PCDHA3: variants seen among roughly 807,000 people sequenced by gnomAD.
PCDHA3 encodes protocadherin alpha 3.
PCDHA3 carries 41 observed loss-of-function variants against 62.2 expected under a neutral mutation model. That is an observed-to-expected ratio of 0.66 (90% CI 0.51 to 0.86). The LOEUF (loss-of-function observed/expected upper bound fraction) is 0.86, where lower values mean the gene tolerates loss of function less well. Among genes scored for constraint, PCDHA3 ranks in the 40% least tolerant of loss-of-function variants. The pLI is 0.00. For synonymous variants in PCDHA3, 640 were observed against 555.4 expected (o/e 1.15, Z -2.14); for missense variants, 1,304 against 1,241.2 (o/e 1.05, Z -0.76).
Position 140,802,688 on chromosome 5 carries a change from G to T in PCDHA3, c.1491G>T (p.Arg497=). The T allele has an allele frequency of 6.2e-7, 1 of 1,613,020 alleles. No individual in the cohort carries two copies. The highest frequency in any genetic ancestry group is 8.5e-7 in the Non-Finnish European group (1 of 1,179,798). Residue 497 remains arginine (R), a synonymous_variant, in exon 1 of 4, where the codon CGG becomes CGT. Coordinates refer to ENST00000522353, the MANE Select transcript of PCDHA3 (RefSeq NM_018906.3). ...NALVSYSLVE[R]RVGERALSSY... is the part of the protein sequence containing the mutation. ...TGGTGTCCTACTCGCTGGTGGAACGGCGGGTGGGGGAGCGCGCGCTGTCGA... is the reference window on the plus strand; with the variant it reads ...TGGTGTCCTACTCGCTGGTGGAACGTCGGGTGGGGGAGCGCGCGCTGTCGA...
At position 140,857,694 on chromosome 5, in the gene PCDHA3, C is replaced by T. The variant is rs1554150531; in HGVS notation, c.2394+54103C>T. 1 of 1,597,142 alleles carries T rather than the reference C, an allele frequency of 6.3e-7. No individual in the cohort carries two copies. Among genetic ancestry groups the T allele is most frequent in the Non-Finnish European group, 8.6e-7 (1 of 1,167,746 alleles). On this transcript the variant is annotated intron_variant, in intron 1 of 3. Coordinates refer to ENST00000522353, the MANE Select transcript of PCDHA3 (RefSeq NM_018906.3). Reference sequence around the variant, plus strand: ...GTGCCGCCTCTGGGCAGCAACTTGACGCTGCAGGTGTTCGTGCTGGACGAG... The same window carrying T: ...GTGCCGCCTCTGGGCAGCAACTTGATGCTGCAGGTGTTCGTGCTGGACGAG...
intron 1 of PCDHA3, chr5:140,875,848 A>T: frequency 1.2e-6 from 2 of 1,614,188 alleles, no homozygotes; most frequent in East Asian, 2.2e-5. Context: ...GGTGAAGGAC[A>T]TTAACGACAA....
At chr5:140,940,994 G>A (rs1375374431) in intron 1 of PCDHA3, among the ~76,000 whole-genome samples, 1 of 152,094 alleles carries the variant, frequency 6.6e-6, no homozygotes, top group Non-Finnish European at 1.5e-5. Context: ...AAGTTTATAG[G>A]ATTAAATTTT....
chr5:140,961,856 C>T (rs781908407), intron 1 of PCDHA3, among the ~76,000 whole-genome samples: 1 of 151,570 alleles, frequency 6.6e-6, no homozygotes, highest in Non-Finnish European at 1.5e-5. Flanking sequence ...GATCATTTAT[C>T]TGGCCACAGA....
At chr5:140,844,055 G>A (rs1371474280) in intron 1 of PCDHA3, among the ~76,000 whole-genome samples, 1 of 149,532 alleles carries the variant, frequency 6.7e-6, no homozygotes, top group Non-Finnish European at 1.5e-5. Flanking sequence ...TTCCCCCAAA[G>A]CGTTTATTCT....
At chr5:140,888,222 G>T (rs956304839) in intron 1 of PCDHA3, among the ~76,000 whole-genome samples, 1 of 152,168 alleles carries the variant, frequency 6.6e-6, no homozygotes, top group African/African-American at 2.4e-5. Flanking sequence ...GTGTGTGTGT[G>T]CATGTGTGTG....
intron 1 of PCDHA3, among the ~76,000 whole-genome samples, chr5:140,838,045 T>G (rs1554136763): frequency 1.3e-5 from 2 of 150,866 alleles, no homozygotes; most frequent in African/African-American, 2.4e-5. Flanking sequence ...TTTCTGCACT[T>G]TTTGGTTTTC....
intron 1 of PCDHA3, chr5:140,871,125 G>T (rs1387416665): frequency 6.2e-7 from 1 of 1,613,330 alleles, no homozygotes; most frequent in Non-Finnish European, 8.5e-7. Context: ...GCGGACAGGC[G>T]CCAAAGGCCT....
At chr5:140,890,313 G>T (rs1191082730) in intron 1 of PCDHA3, among the ~76,000 whole-genome samples, 2 of 152,112 alleles carry the variant, frequency 1.3e-5, no homozygotes, top group South Asian at 2.1e-4. Context: ...ATATTAAGTT[G>T]TTTTAAGATA....
At chr5:140,862,980 C>T in intron 1 of PCDHA3, 1 of 545,508 alleles carries the variant, frequency 1.8e-6, no homozygotes, top group South Asian at 1.4e-5. Flanking sequence ...CACTTGGTGG[C>T]GAAGGTGCGC....
intron 1 of PCDHA3, among the ~76,000 whole-genome samples, chr5:140,958,215 T>G (rs1554223379): frequency 6.6e-6 from 1 of 152,132 alleles, no homozygotes; most frequent in Non-Finnish European, 1.5e-5. Context: ...GAATTAGATT[T>G]TAAAGGACTT....
chr5:140,838,075 ATAGTGTGTGTGTGTGTGTGTGTGT>A (rs2150283450), intron 1 of PCDHA3, among the ~76,000 whole-genome samples: 41 of 128,134 alleles, frequency 3.2e-4, no homozygotes, highest in South Asian at 2.7e-4. Context: ...TTATATATAT[ATAGTGTGTGTGTGTGTGTGTGTGT>A]GTGTGTGTGT....
At chr5:140,846,476 A>G (rs2150391448) in intron 1 of PCDHA3, among the ~76,000 whole-genome samples, 10 of 143,712 alleles carry the variant, frequency 7.0e-5, no homozygotes, top group Admixed American at 2.1e-4. Context: ...CCGGGTTCAA[A>G]TGATTCTCCT....
intron 1 of PCDHA3, among the ~76,000 whole-genome samples, chr5:140,898,932 A>G (rs1330684874): frequency 6.6e-6 from 1 of 151,964 alleles, no homozygotes; most frequent in Admixed American, 6.6e-5. Flanking sequence ...ATTCCTAAGT[A>G]TTTTATTCTC....
chr5:140,979,090 C>A, intron 2 of PCDHA3, 83 bp downstream of exon 2: 1 of 1,557,284 alleles, frequency 6.4e-7, no homozygotes, highest in Non-Finnish European at 8.7e-7. Flanking sequence ...AGGCCAGAAG[C>A]AGCTGTCAAA....
At position 140,978,933 on chromosome 5, in the gene PCDHA3, C is replaced by CT. The variant is rs1179085898; in HGVS notation, c.2395-13dup. The stretch of plus-strand genomic sequence containing the variant: ...TCTTGTCATTTTAACAGAAAACTCT[C>CT]TTTGTGATTTTGCAGCCACGACAGC... On this transcript the variant is annotated splice_polypyrimidine_tract_variant and intron_variant, in intron 1 of 3. Coordinates refer to ENST00000522353, the MANE Select transcript of PCDHA3 (RefSeq NM_018906.3). 8 of 1,613,976 alleles carry CT rather than the reference C, an allele frequency of 5.0e-6. No homozygotes were observed. The highest frequency in any genetic ancestry group is 1.7e-5 in the Admixed American group (1 of 59,984).
intron 3 of PCDHA3, among the ~76,000 whole-genome samples, chr5:140,986,398 G>A (rs973049448): frequency 7.2e-5 from 11 of 152,174 alleles, no homozygotes; most frequent in African/African-American, 2.4e-4. Flanking sequence ...AGGGCCAGTC[G>A]CTCATGTTAC....
At position 140,807,381 on chromosome 5, in the gene PCDHA3, G is replaced by A. The variant is rs148298330; in HGVS notation, c.2394+3790G>A. 262 of 1,603,446 alleles carry A rather than the reference G, an allele frequency of 1.6e-4. No homozygotes were observed. The African/African-American group carries it at 2.9e-3, about 18-fold the overall frequency. ...GCGGAGCTGGTGCCGCGCCTGTTCCGGGTGGCGTCCAAGGGCCGCGGAGGC... is the reference window on the plus strand; with the variant it reads ...GCGGAGCTGGTGCCGCGCCTGTTCCAGGTGGCGTCCAAGGGCCGCGGAGGC... On this transcript the variant is annotated intron_variant, in intron 1 of 3. Transcript: ENST00000522353.
At chr5:140,884,385 C>A (rs1554181508) in intron 1 of PCDHA3, 1 of 1,613,992 alleles carries the variant, frequency 6.2e-7, no homozygotes, top group Non-Finnish European at 8.5e-7. Context: ...GCCATCTGCG[C>A]GGTGTCCAGC....
Sources: allele counts gnomAD v4.1 joint callset (sites outside exome capture counted in the v4.1 genomes callset), GRCh38; gene constraint gnomAD v4.1.1; transcripts MANE v1.5; gene names NCBI Gene and HGNC (gene_info 2026-07-23, HGNC 2026-07-21).